The following DSC2 variants were observed in gnomAD, a reference collection of about 807,000 sequenced individuals.
DSC2 encodes desmocollin-2.
DSC2 carries 51 observed loss-of-function variants against 87.6 expected under a neutral mutation model. The ratio of observed to expected loss-of-function variants is 0.58; its 90% CI spans 0.46 to 0.74. The LOEUF (loss-of-function observed/expected upper bound fraction) is 0.74. Ranked by LOEUF, DSC2 falls within the 30% of genes least tolerant of loss-of-function variation. DSC2 has a pLI of 0.00. For missense variants in DSC2, 1,066 were observed against 1,089.5 expected, an observed-to-expected ratio of 0.98 and a Z score of 0.30; for synonymous variants, 383 against 393.2, an observed-to-expected ratio of 0.97 and a Z score of 0.31.
chr18:31,094,886 G>A (rs1195867276), intron 1 of DSC2, among the ~76,000 whole-genome samples: 1 of 152,198 alleles, frequency 6.6e-6, no homozygotes, highest in African/African-American at 2.4e-5. Context: ...TGATTCTGAA[G>A]ATTCCAGCTC....
At chr18:31,074,659 A>T in intron 12 of DSC2, 24 bp downstream of exon 12, 2 of 1,607,074 alleles carry the variant, frequency 1.2e-6, no homozygotes, top group Non-Finnish European at 1.7e-6. Context: ...TGAAAAGGAC[A>T]AAGCAATTTT....
In DSC2 at chr18:31,064,832, C is replaced by A. The variant is rs575872905; in HGVS notation, c.*3183G>T. Reference sequence around the variant, plus strand: ...AGAGCAAAGTCAGTTGTCAAGACTTCAATCTGGAGTCCAGGAATGGAGATG... The same window carrying A: ...AGAGCAAAGTCAGTTGTCAAGACTTAAATCTGGAGTCCAGGAATGGAGATG... On this transcript the variant is annotated 3_prime_UTR_variant, in exon 16 of 16. Coordinates refer to ENST00000280904, the MANE Select transcript of DSC2 (RefSeq NM_024422.6). 2 of 152,244 alleles carry A rather than the reference C, an allele frequency of 1.3e-5. No individual in the cohort carries two copies. The highest frequency in any genetic ancestry group is 4.8e-5 in the African/African-American group (2 of 41,534). 9.4% of individuals were successfully genotyped at this position (152,244 alleles called of 1,614,324 possible). A position where few individuals can be genotyped will look rare whatever the true frequency, so the allele number is the denominator to read the frequency against.
At position 31,082,876 on chromosome 18, in the gene DSC2, C is replaced by T. The variant is rs1987272248; in HGVS notation, c.1077+50G>A. On this transcript the variant is annotated intron_variant, in intron 8 of 15. Coordinates refer to ENST00000280904, the MANE Select transcript of DSC2 (RefSeq NM_024422.6). ...CCAGGCCAGAGATGTGCATATTAAA[C>T]AATTAAAACTGGTCTATACATTTTT... The T allele has an allele frequency of 2.5e-6, 4 of 1,596,802 alleles. No homozygotes were observed. In the Admixed American group the frequency reaches 5.0e-5, roughly 20 times the overall value.
In DSC2 at chr18:31,059,594, A is replaced by G. The variant is rs374412769; in HGVS notation, c.*8421T>C. The G allele has an allele frequency of 4.6e-5, 7 of 152,202 alleles. No individual in the cohort carries two copies. In the East Asian group the frequency reaches 1.2e-3, roughly 25 times the overall value. The allele number at this position is 152,202 out of a possible 1,614,324, so 9.4% of individuals were successfully genotyped here. A position where few individuals can be genotyped will look rare whatever the true frequency, so the allele number is the denominator to read the frequency against. ...TTTTCTTGCTCTGTATTTCATTTAC[A>G]TGAACTTTTCCCTCAATGTTATAAA... On this transcript the variant is annotated 3_prime_UTR_variant, in exon 16 of 16. Coordinates refer to ENST00000280904, the MANE Select transcript of DSC2 (RefSeq NM_024422.6).
At position 31,092,152 on chromosome 18, in the gene DSC2, A is replaced by G. The variant is rs1465612079; in HGVS notation, c.303T>C (p.Thr101=). Residue 101 remains threonine, a synonymous_variant, in exon 3 of 16, where the codon ACT becomes ACC. Coordinates refer to ENST00000280904, the MANE Select transcript of DSC2 (RefSeq NM_024422.6). ...ATATTTTCTTCTTTTCTTGGTTCTCAGTGTTGGAAAGTAATATGGTAAAAC... is the reference window on the plus strand; with the variant it reads ...ATATTTTCTTCTTTTCTTGGTTCTCGGTGTTGGAAAGTAATATGGTAAAAC... ...KRSFTILLSN[T]ENQEKKKIFV... is the part of the protein sequence containing the mutation. 2 of 1,613,162 alleles carry G rather than the reference A, an allele frequency of 1.2e-6. No homozygotes were observed. The highest frequency in any genetic ancestry group is 2.7e-5 in the African/African-American group (2 of 74,842).
rs397517402 is a variant in DSC2 at position 31,087,742 on chromosome 18, C to T, written c.702G>A (p.Glu234=). 6 of 1,613,798 alleles carry T rather than the reference C, an allele frequency of 3.7e-6. No individual in the cohort carries two copies. Among genetic ancestry groups the T allele is most frequent in the East Asian group, 4.5e-5 (2 of 44,854 alleles). ...AAATTGGGTAGTTATCATTTTCATC[C>T]TCTATTTTGATTATTAGGGGCAGTG... ...ELPLPLIIKI[E]DENDNYPIFT... is the part of the protein sequence containing the mutation. Residue 234 remains glutamate (E), a synonymous_variant, in exon 6 of 16, where the codon GAG becomes GAA. Transcript: ENST00000280904.
intron 12 of DSC2, 135 bp downstream of exon 12, chr18:31,074,548 C>T: frequency 1.2e-6 from 1 of 824,668 alleles, no homozygotes; most frequent in Non-Finnish European, 1.9e-6. Flanking sequence ...AGACCTACTC[C>T]CAACACACAA....
In DSC2 at chr18:31,091,055, C is replaced by G. The variant is rs1987577946; in HGVS notation, c.447G>C (p.Leu149Phe). The G allele has an allele frequency of 1.2e-6, 2 of 1,613,840 alleles. No individual in the cohort carries two copies. The highest frequency in any genetic ancestry group is 1.7e-5 in the Admixed American group (1 of 59,996). Reference protein sequence around the residue: ...PIPCSMLENSLGPFPLFLQQV... With the variant: ...PIPCSMLENSFGPFPLFLQQV... ...GTTGAAGGAAAAGTGGAAAAGGACC[C>G]AAGGAGTTTTCTAGCATCGAACAAG... is the stretch of plus-strand genomic sequence containing the variant. The change falls in exon 4 of 16, where the codon TTG (leucine) becomes TTC (phenylalanine). Residue 149 changes from leucine (L) to phenylalanine (F), a missense_variant. Leu to Phe is a conservative substitution (Grantham distance 22). Transcript: ENST00000280904.
At chr18:31,071,149 T>C (rs1178566440) in intron 13 of DSC2, among the ~76,000 whole-genome samples, 2 of 152,004 alleles carry the variant, frequency 1.3e-5, no homozygotes, top group East Asian at 1.9e-4. Flanking sequence ...GAACTATACA[T>C]AAATGCACTT....
In DSC2 at chr18:31,062,862, T is replaced by G. The variant is rs1986527325; in HGVS notation, c.*5153A>C. On this transcript the variant is annotated 3_prime_UTR_variant, in exon 16 of 16. Coordinates refer to ENST00000280904, the MANE Select transcript of DSC2 (RefSeq NM_024422.6). ...TGTATTAAGCTGTGAATGCAAACAA[T>G]TGTTCTAGTCATTCAATGTCTTCTG... 1 of 152,196 alleles carries G rather than the reference T, an allele frequency of 6.6e-6. No homozygotes were observed. The allele number at this position is 152,196 out of a possible 1,614,324, so 9.4% of individuals were successfully genotyped here. A position where few individuals can be genotyped will look rare whatever the true frequency, so the allele number is the denominator to read the frequency against.
At chr18:31,076,283 C>T (rs1159308657) in intron 11 of DSC2, among the ~76,000 whole-genome samples, 1 of 152,100 alleles carries the variant, frequency 6.6e-6, no homozygotes, top group Non-Finnish European at 1.5e-5. Flanking sequence ...AAGTTAAGAA[C>T]TGGTTCTAAA....
At position 31,079,995 on chromosome 18, in the gene DSC2, G is replaced by T; in HGVS notation, c.1521-6C>A. The stretch of plus-strand genomic sequence containing the variant: ...GATCAGTTAATTTCTTATACCTGTT[G>T]GTAATGATGAATTAAAATAATAAAA... On this transcript the variant is annotated splice_polypyrimidine_tract_variant and splice_region_variant and intron_variant, in intron 10 of 15. Coordinates refer to ENST00000280904, the MANE Select transcript of DSC2 (RefSeq NM_024422.6). 6.2e-7 allele frequency: 1 copy of T among 1,612,322 alleles called. No homozygotes were observed. The highest frequency in any genetic ancestry group is 8.5e-7 in the Non-Finnish European group (1 of 1,179,194).
intron 2 of DSC2, 109 bp downstream of exon 2, chr18:31,093,450 T>A (rs2144849840): frequency 1.3e-6 from 1 of 775,196 alleles, no homozygotes; most frequent in East Asian, 3.3e-5. Context: ...TCCATCCACA[T>A]CCCTTCCAAG....
Position 31,101,997 on chromosome 18 carries a change from G to A in DSC2, c.-26C>T. ...GGAGAGGGCTCGGGGCAGGTCGCGGGCCGAGCGTCGGGCCGGGGTAGGAGG... is the reference window on the plus strand; with the variant it reads ...GGAGAGGGCTCGGGGCAGGTCGCGGACCGAGCGTCGGGCCGGGGTAGGAGG... On this transcript the variant is annotated 5_prime_UTR_variant, in exon 1 of 16. Transcript: ENST00000280904. The A allele has an allele frequency of 1.0e-5, 15 of 1,484,968 alleles. No individual in the cohort carries two copies. Among genetic ancestry groups the A allele is most frequent in the Non-Finnish European group, 1.3e-5 (15 of 1,121,330 alleles). 92.0% of individuals were successfully genotyped at this position (1,484,968 alleles called of 1,614,324 possible). A position where few individuals can be genotyped will look rare whatever the true frequency, so the allele number is the denominator to read the frequency against.
intron 5 of DSC2, 100 bp downstream of exon 5, chr18:31,089,339 A>G: frequency 7.2e-7 from 1 of 1,396,224 alleles, no homozygotes. Flanking sequence ...AGCATTGGTG[A>G]CAAACTCAGA....
Position 31,069,145 on chromosome 18 carries a change from C to T in DSC2, c.2257G>A (p.Ala753Thr). ...EAPGDDKVYS[A>T]NGFTTQTVGA... ...ACAGTTTGGGTTGTGAAGCCATTCG[C>T]AGAATACTGAAATGAAAACAATTTG... is the stretch of plus-strand genomic sequence containing the variant. The change falls in exon 15 of 16, where the codon GCG becomes ACG. Residue 753 changes from alanine to threonine, a missense_variant. By Grantham distance (58) the Ala-to-Thr change is moderately conservative. Coordinates refer to ENST00000280904, the MANE Select transcript of DSC2 (RefSeq NM_024422.6). 6.2e-7 allele frequency: 1 copy of T among 1,613,972 alleles called. No individual in the cohort carries two copies. The highest frequency in any genetic ancestry group is 8.5e-7 in the Non-Finnish European group (1 of 1,179,998).
At chr18:31,069,591 T>C (rs1986758613) in intron 14 of DSC2, among the ~76,000 whole-genome samples, 1 of 151,982 alleles carries the variant, frequency 6.6e-6, no homozygotes, top group South Asian at 2.1e-4. Context: ...AGTAGGCACC[T>C]GTAATCCCAG....
intron 5 of DSC2, 105 bp from the exon 6 acceptor site, chr18:31,087,918 T>C (rs1987460263): frequency 4.4e-6 from 5 of 1,140,464 alleles, no homozygotes; most frequent in Admixed American, 3.7e-5. Flanking sequence ...AGAACTACAG[T>C]ATGAGTCTCA....
At chr18:31,083,257 G>A (rs1007526612) in intron 7 of DSC2, among the ~76,000 whole-genome samples, 197 bp from the exon 8 acceptor site, 3 of 151,902 alleles carry the variant, frequency 2.0e-5, no homozygotes, top group Non-Finnish European at 1.5e-5. Flanking sequence ...TTTCTGAGAC[G>A]AAGTCTCGCT....
Sources: gnomAD v4.1 joint callset for allele counts (sites outside exome capture counted in the v4.1 genomes callset) on GRCh38, gnomAD v4.1.1 for gene constraint, MANE v1.5 for transcripts, NCBI Gene and HGNC (gene_info 2026-07-23, HGNC 2026-07-21) for gene names.